Variants in FBLN7 observed in about 807,000 individuals in gnomAD.
FBLN7 encodes fibulin-7.
Under a neutral mutation model 44.0 loss-of-function variants are expected in FBLN7, and 31 were observed. That is an observed-to-expected ratio of 0.70 (90% CI 0.53 to 0.95). FBLN7 has a LOEUF of 0.95. Among genes scored for constraint, FBLN7 ranks in the 40% least tolerant of loss-of-function variants. The pLI is 0.00. For synonymous variants in FBLN7, 262 were observed against 253.4 expected (o/e 1.03, Z -0.32); for missense variants, 573 against 618.5 (o/e 0.93, Z 0.78).
At chr2:112,203,741 G>C in the FBLN7 span, among the ~76,000 whole-genome samples, 1 of 152,184 alleles carries the variant, frequency 6.6e-6, no homozygotes, top group Non-Finnish European at 1.5e-5. Context: ...GTTCCACATG[G>C]CTGGGGAGGC....
intron 3 of FBLN7, among the ~76,000 whole-genome samples, chr2:112,170,711 C>T (rs895751223): frequency 6.6e-6 from 1 of 152,168 alleles, no homozygotes; most frequent in African/African-American, 2.4e-5. Flanking sequence ...GCACTGTAGT[C>T]ATGGGCCATG....
chr2:112,237,142 A>G, the FBLN7 span, among the ~76,000 whole-genome samples: 2 of 152,232 alleles, frequency 1.3e-5, no homozygotes, highest in African/African-American at 4.8e-5. Context: ...CTGGCATGAT[A>G]GTGATCAGTT....
intron 5 of FBLN7, 70 bp from the exon 6 acceptor site, chr2:112,182,721 T>C (rs1683064471): frequency 1.3e-6 from 2 of 1,506,416 alleles, no homozygotes; most frequent in East Asian, 2.5e-5. Context: ...GAAGCATGAT[T>C]GTTCTGGGTC....
At chr2:112,163,872 C>T (rs1401935314) in intron 2 of FBLN7, among the ~76,000 whole-genome samples, 1 of 152,200 alleles carries the variant, frequency 6.6e-6, no homozygotes, top group Non-Finnish European at 1.5e-5. Flanking sequence ...TATTCCAGTC[C>T]TGTTGCCTCC....
At chr2:112,177,000 A>G (rs1682768549) in intron 4 of FBLN7, 2 of 149,814 alleles carry the variant, frequency 1.3e-5, no homozygotes, top group East Asian at 2.0e-4. Context: ...CAGTGGCACC[A>G]TCTCAGCTCA....
the FBLN7 span, chr2:112,234,105 T>C: frequency 1.4e-6 from 2 of 1,427,032 alleles, no homozygotes; most frequent in East Asian, 4.8e-5. Context: ...GATTTTTGCT[T>C]ACACATTTTT....
At chr2:112,146,566 A>C (rs1680906458) in intron 1 of FBLN7, among the ~76,000 whole-genome samples, 1 of 147,044 alleles carries the variant, frequency 6.8e-6, no homozygotes, top group Admixed American at 6.7e-5. Context: ...TCATTTTTGA[A>C]GCTTTTTTTT....
Position 112,181,834 on chromosome 2 carries a change from G to C in FBLN7, c.628G>C (p.Gly210Arg), listed in dbSNP as rs200955793. Residue 210 changes from glycine to arginine, a missense_variant, in exon 5 of 8, where the codon GGA becomes CGA. By Grantham distance (125) the Gly-to-Arg change is moderately radical. Transcript: ENST00000331203. Reference sequence around the variant, plus strand: ...GGCTCAGCACTGCAGCTGCGAGGCCGGATTCCACCTGAGCGGCGCCGCCGG... The same window carrying C: ...GGCTCAGCACTGCAGCTGCGAGGCCCGATTCCACCTGAGCGGCGCCGCCGG... ...ERAQHCSCEAGFHLSGAAGDS... is the reference protein window; with the variant it reads ...ERAQHCSCEARFHLSGAAGDS... 3.9e-6 allele frequency: 6 copies of C among 1,522,896 alleles called. No homozygotes were observed. The Admixed American group carries it at 1.2e-4, about 30-fold the overall frequency. The allele number at this position is 1,522,896 out of a possible 1,614,324, so 94.3% of individuals were successfully genotyped here. A position where few individuals can be genotyped will look rare whatever the true frequency, so the allele number is the denominator to read the frequency against.
chr2:112,172,627 CTTTTT>C (rs35062438), intron 3 of FBLN7, among the ~76,000 whole-genome samples: 3 of 88,156 alleles, frequency 3.4e-5, no homozygotes, highest in Admixed American at 1.5e-4. Flanking sequence ...CTTTTTCTTT[CTTTTT>C]TTTTTTTTTT....
intron 3 of FBLN7, among the ~76,000 whole-genome samples, chr2:112,167,412 T>C (rs1399809734): frequency 1.3e-5 from 2 of 152,164 alleles, no homozygotes; most frequent in Non-Finnish European, 2.9e-5. Context: ...AATGCCTTTC[T>C]AGAGGATCCT....
At position 112,165,149 on chromosome 2, in the gene FBLN7, A is replaced by G. The variant is rs1286083232; in HGVS notation, c.384A>G (p.Thr128=). The change falls in exon 3 of 8, where the codon ACA becomes ACG. Residue 128 remains threonine (T), a synonymous_variant. Coordinates refer to ENST00000331203, the MANE Select transcript of FBLN7 (RefSeq NM_153214.3). ...TGTGTCTTCCCAATGGCACCTGGAC[A>G]GGGGAGCAGCCCCACTGTAGAGGTA... is the stretch of plus-strand genomic sequence containing the variant. ...SVVCLPNGTW[T]GEQPHCRGIS... is the part of the protein sequence containing the mutation. 1 of 1,614,162 alleles carries G rather than the reference A, an allele frequency of 6.2e-7. No homozygotes were observed. Among genetic ancestry groups the G allele is most frequent in the Non-Finnish European group, 8.5e-7 (1 of 1,180,016 alleles).
chr2:112,209,438 A>G, the FBLN7 span, among the ~76,000 whole-genome samples: 7 of 152,210 alleles, frequency 4.6e-5, no homozygotes, highest in Non-Finnish European at 1.0e-4. Flanking sequence ...AATGGCAATG[A>G]CATCATCTAC....
downstream of FBLN7, among the ~76,000 whole-genome samples, chr2:112,191,414 G>A (rs918522178): frequency 6.6e-6 from 1 of 152,148 alleles, no homozygotes; most frequent in African/African-American, 2.4e-5. Context: ...GTCCTCAAGT[G>A]GTCTGCCCGC....
At chr2:112,195,050 G>T in the FBLN7 span, among the ~76,000 whole-genome samples, 1 of 152,268 alleles carries the variant, frequency 6.6e-6, no homozygotes, top group East Asian at 1.9e-4. Flanking sequence ...TGGAGAAGTT[G>T]GTTCTTATTA....
At chr2:112,224,603 T>A in the FBLN7 span, among the ~76,000 whole-genome samples, 2 of 152,178 alleles carry the variant, frequency 1.3e-5, no homozygotes, top group African/African-American at 4.8e-5. Flanking sequence ...CATCAACAGA[T>A]GAATAAACAA....
the FBLN7 span, among the ~76,000 whole-genome samples, chr2:112,205,503 G>A: frequency 6.6e-6 from 1 of 151,624 alleles, no homozygotes; most frequent in African/African-American, 2.4e-5. Flanking sequence ...AGGAAAGCAG[G>A]AAAAGAAAAA....
the FBLN7 span, among the ~76,000 whole-genome samples, chr2:112,234,787 G>A: frequency 2.0e-5 from 3 of 151,302 alleles, no homozygotes; most frequent in East Asian, 5.8e-4. Flanking sequence ...GCAATAGAAC[G>A]AGACTCCATC....
chr2:112,181,717 T>C, intron 4 of FBLN7, 22 bp from the exon 5 acceptor site: 3 of 1,369,230 alleles, frequency 2.2e-6, no homozygotes, highest in Admixed American at 7.7e-5. Context: ...GGCCCGGCAC[T>C]GAGCGTGTCT....
intron 6 of FBLN7, among the ~76,000 whole-genome samples, chr2:112,184,319 G>A (rs1165848549): frequency 1.3e-5 from 2 of 152,186 alleles, no homozygotes; most frequent in East Asian, 1.9e-4. Context: ...ACGTGGGAAT[G>A]TGAGGGGAGA....
Sources: allele counts gnomAD v4.1 joint callset (sites outside exome capture counted in the v4.1 genomes callset), GRCh38; gene constraint gnomAD v4.1.1; transcripts MANE v1.5; gene names NCBI Gene and HGNC (gene_info 2026-07-23, HGNC 2026-07-21).